The following PRKCB variants were observed in gnomAD, a reference collection of about 807,000 sequenced individuals.
PRKCB encodes protein kinase C beta type.
In PRKCB, 13 loss-of-function variants were observed where a neutral mutation model predicts 81.5. The observed-to-expected ratio is 0.16, with a 90% CI of 0.10 to 0.25. The LOEUF is 0.25. PRKCB is among the 10% of genes least tolerant of loss of function. The pLI, the probability that PRKCB is intolerant of heterozygous loss-of-function variation, is 1.00. For missense variants in PRKCB, 509 were observed against 875.7 expected (o/e 0.58, Z 5.29); for synonymous variants, 335 against 321.4 (o/e 1.04, Z -0.45).
At position 24,076,394 on chromosome 16, in the gene PRKCB, A is replaced by G. The variant is rs12051421; in HGVS notation, c.530-16397A>G. On this transcript the variant is annotated intron_variant, in intron 5 of 16. Transcript: ENST00000643927. ...CAGAGGGGTGAATCATGGAGCAAAA[A>G]GGGGGCCTTATCTGCTTCTTCATCC... Among the ~76,000 whole-genome samples, 515 of 152,296 alleles carry G rather than the reference A, an allele frequency of 3.4e-3. 20 individuals are homozygous for G. The East Asian group carries it at 0.076, about 23-fold the overall frequency.
At chr16:24,066,000 G>A (rs1285717230) in intron 5 of PRKCB, among the ~76,000 whole-genome samples, 1 of 151,180 alleles carries the variant, frequency 6.6e-6, no homozygotes, top group Non-Finnish European at 1.5e-5. Flanking sequence ...AAGTCCTATT[G>A]TTGCCTTTAT....
At chr16:23,868,822 G>A (rs1480762767) in intron 2 of PRKCB, among the ~76,000 whole-genome samples, 2 of 152,214 alleles carry the variant, frequency 1.3e-5, no homozygotes, top group Non-Finnish European at 2.9e-5. Context: ...GTCCACTTGG[G>A]TTTGTTTTTG....
intron 2 of PRKCB, among the ~76,000 whole-genome samples, chr16:23,975,697 A>G (rs560330609): frequency 5.3e-5 from 8 of 152,286 alleles, no homozygotes; most frequent in African/African-American, 1.7e-4. Context: ...ATTCACCAGT[A>G]TGGACTGATG....
chr16:24,185,651 G>C, intron 15 of PRKCB, 84 bp downstream of exon 15: 2 of 1,129,854 alleles, frequency 1.8e-6, no homozygotes, highest in Non-Finnish European at 2.6e-6. Flanking sequence ...CCCCACCAGG[G>C]GGGAACACAG....
chr16:24,106,481 A>G (rs1397328473), intron 7 of PRKCB, among the ~76,000 whole-genome samples: 1 of 152,228 alleles, frequency 6.6e-6, no homozygotes, highest in Non-Finnish European at 1.5e-5. Flanking sequence ...CTTACTGTGC[A>G]TACTATTTGG....
intron 2 of PRKCB, among the ~76,000 whole-genome samples, chr16:23,847,214 C>G (rs1055878721): frequency 1.3e-5 from 2 of 152,118 alleles, no homozygotes; most frequent in African/African-American, 4.8e-5. Flanking sequence ...GAAGGAGTAT[C>G]AAATTGGGCT....
intron 5 of PRKCB, among the ~76,000 whole-genome samples, chr16:24,075,723 G>A (rs1179264570): frequency 6.6e-6 from 1 of 152,228 alleles, no homozygotes; most frequent in East Asian, 1.9e-4. Context: ...AAGGAAGTGG[G>A]TCAAAGTTAG....
At chr16:24,158,754 G>A (rs1967208593) in intron 10 of PRKCB, among the ~76,000 whole-genome samples, 1 of 151,988 alleles carries the variant, frequency 6.6e-6, no homozygotes, top group Non-Finnish European at 1.5e-5. Context: ...GGGCTCCTGG[G>A]CTCAATAGAT....
intron 12 of PRKCB, among the ~76,000 whole-genome samples, chr16:24,179,738 A>G (rs1967589822): frequency 6.6e-6 from 1 of 152,222 alleles, no homozygotes; most frequent in Non-Finnish European, 1.5e-5. Flanking sequence ...ACCCTGCTTA[A>G]AGTGACTTCC....
chr16:24,052,199 T>C (rs796832395), intron 5 of PRKCB, among the ~76,000 whole-genome samples: 1 of 152,122 alleles, frequency 6.6e-6, no homozygotes, highest in Non-Finnish European at 1.5e-5. Flanking sequence ...TGAAAAGCAA[T>C]GTCCTGTACT....
chr16:24,083,021 A>T (rs1371328542), intron 5 of PRKCB, among the ~76,000 whole-genome samples: 3 of 152,230 alleles, frequency 2.0e-5, no homozygotes, highest in Non-Finnish European at 4.4e-5. Flanking sequence ...ATGTAATCTA[A>T]AAACCTGAAC....
intron 16 of PRKCB, among the ~76,000 whole-genome samples, chr16:24,206,755 T>A (rs1338784904): frequency 2.0e-5 from 3 of 152,186 alleles, no homozygotes; most frequent in African/African-American, 4.8e-5. Context: ...TGTGTGTGCA[T>A]CTGTGTCCTC....
chr16:23,877,145 C>G (rs1470282710), intron 2 of PRKCB, among the ~76,000 whole-genome samples: 1 of 151,838 alleles, frequency 6.6e-6, no homozygotes, highest in African/African-American at 2.4e-5. Flanking sequence ...GTAAAAGATG[C>G]AAATTTCCCA....
intron 3 of PRKCB, among the ~76,000 whole-genome samples, chr16:24,021,072 C>CTCCCTCCCTTCTTTCTTTCTTTCT: frequency 5.3e-5 from 5 of 94,472 alleles, no homozygotes; most frequent in East Asian, 3.0e-4. Flanking sequence ...CCCTCCCTCC[C>CTCCCTCCCTTCTTTCTTTCTTTCT]TTCTTTCTTT....
chr16:23,942,270 G>T (rs1014324976), intron 2 of PRKCB, among the ~76,000 whole-genome samples: 1 of 152,254 alleles, frequency 6.6e-6, no homozygotes, highest in Non-Finnish European at 1.5e-5. Flanking sequence ...TTGGCAATCT[G>T]TGTGTCTAAA....
chr16:23,982,036 TCACC>T (rs1314983695), intron 2 of PRKCB, among the ~76,000 whole-genome samples: 2 of 106,656 alleles, frequency 1.9e-5, no homozygotes, highest in South Asian at 3.8e-4. Flanking sequence ...CCCTTTCCCT[TCACC>T]TTCCCCTTCC....
intron 13 of PRKCB, among the ~76,000 whole-genome samples, chr16:24,184,396 T>G (rs887718455): frequency 6.6e-6 from 1 of 151,350 alleles, no homozygotes; most frequent in African/African-American, 2.4e-5. Flanking sequence ...GGCTGTGAGC[T>G]GTGAGCTATG....
At chr16:24,074,481 A>G (rs1439058825) in intron 5 of PRKCB, among the ~76,000 whole-genome samples, 1 of 152,250 alleles carries the variant, frequency 6.6e-6, no homozygotes, top group Non-Finnish European at 1.5e-5. Context: ...ATTCATGTGC[A>G]GTCCTTAGAA....
chr16:23,875,480 G>GATATATAT (rs71381624), intron 2 of PRKCB, among the ~76,000 whole-genome samples: 82 of 4,620 alleles, frequency 0.018, no homozygotes, highest in African/African-American at 0.033. Context: ...CAACTAAAAA[G>GATATATAT]ATATATATAT....
Sources: gnomAD v4.1 joint callset for allele counts (sites outside exome capture counted in the v4.1 genomes callset) on GRCh38, gnomAD v4.1.1 for gene constraint, MANE v1.5 for transcripts, NCBI Gene and HGNC (gene_info 2026-07-23, HGNC 2026-07-21) for gene names.